SFXN1: variants seen among roughly 807,000 people sequenced by gnomAD.
SFXN1 encodes the protein sideroflexin 1.
SFXN1 carries 32 observed loss-of-function variants against 39.5 expected under a neutral mutation model. The observed-to-expected ratio is 0.81, with a 90% CI of 0.61 to 1.09. The LOEUF (loss-of-function observed/expected upper bound fraction) is 1.09, where lower values mean the gene tolerates loss of function less well. Ranked by LOEUF, SFXN1 falls within the 50% of genes least tolerant of loss-of-function variation. The pLI, the probability that SFXN1 is intolerant of heterozygous loss-of-function variation, is 0.00. For synonymous variants in SFXN1, 136 were observed against 146.5 expected (o/e 0.93, Z 0.52); for missense variants, 402 against 407.1 (o/e 0.99, Z 0.11).
chr5:175,510,782 A>G (rs1045426156), intron 4 of SFXN1, among the ~76,000 whole-genome samples: 1 of 152,238 alleles, frequency 6.6e-6, no homozygotes, highest in Non-Finnish European at 1.5e-5. Context: ...GTTAGTTAGC[A>G]TAATTGTATT....
At chr5:175,503,884 A>G (rs1157115051) in intron 2 of SFXN1, among the ~76,000 whole-genome samples, 2 of 151,834 alleles carry the variant, frequency 1.3e-5, no homozygotes, top group East Asian at 3.9e-4. Flanking sequence ...CGCACCTGTA[A>G]TCCCAGCTAC....
At position 175,509,087 on chromosome 5, in the gene SFXN1, A is replaced by G. The variant is rs1428527101; in HGVS notation, c.220A>G (p.Ile74Val). The G allele has an allele frequency of 1.1e-5, 18 of 1,613,856 alleles. No individual in the cohort carries two copies. Among genetic ancestry groups the G allele is most frequent in the Non-Finnish European group, 1.4e-5 (17 of 1,179,972 alleles). The change falls in exon 3 of 11, where the codon ATC (isoleucine) becomes GTC (valine). Residue 74 changes from isoleucine to valine, a missense_variant. Transcript: ENST00000321442. ...AAATGAATTGTGGAGAGCAAAGTAC[A>G]TCTATGATTCAGCTTTTCATCCTGA... ...TENELWRAKY[I>V]YDSAFHPDTG...
intron 10 of SFXN1, among the ~76,000 whole-genome samples, chr5:175,524,317 G>T (rs577736891): frequency 6.6e-6 from 1 of 151,268 alleles, no homozygotes; most frequent in East Asian, 1.9e-4. Context: ...TTAGACAAGG[G>T]TGTCACACTG....
chr5:175,513,953 G>A (rs1175563844), intron 7 of SFXN1, among the ~76,000 whole-genome samples: 3 of 152,006 alleles, frequency 2.0e-5, no homozygotes, highest in Admixed American at 2.0e-4. Context: ...TGGGAGGGGT[G>A]GGGAGCAGTA....
chr5:175,482,829 A>G (rs555692171), intron 1 of SFXN1, among the ~76,000 whole-genome samples: 8 of 152,338 alleles, frequency 5.3e-5, no homozygotes, highest in African/African-American at 1.7e-4. Context: ...ATATTTGCTT[A>G]AATCCGGTTC....
intron 2 of SFXN1, among the ~76,000 whole-genome samples, chr5:175,503,143 C>G (rs772091805): frequency 3.3e-5 from 5 of 152,146 alleles, no homozygotes; most frequent in African/African-American, 4.8e-5. Context: ...TACCACAATT[C>G]CGGGGCGGTT....
intron 2 of SFXN1, among the ~76,000 whole-genome samples, chr5:175,498,715 A>G (rs116723059): frequency 0.025 from 3,802 of 152,272 alleles, 130 homozygotes; most frequent in African/African-American, 0.084. Context: ...AGCCTACTGT[A>G]TAGCTTTTTT....
chr5:175,514,706 G>C (rs968707652), intron 7 of SFXN1, among the ~76,000 whole-genome samples: 3 of 152,322 alleles, frequency 2.0e-5, no homozygotes, highest in South Asian at 4.1e-4. Flanking sequence ...AAGTTGAAAA[G>C]TGCATGAAGG....
At chr5:175,501,325 CCGA>C (rs1760076197) in intron 2 of SFXN1, among the ~76,000 whole-genome samples, 1 of 152,086 alleles carries the variant, frequency 6.6e-6, no homozygotes. Flanking sequence ...GCCTCGGCCC[CCGA>C]AAGTGCTGGG....
In SFXN1 at chr5:175,510,353, T is replaced by C; in HGVS notation, c.434+146T>C. On this transcript the variant is annotated intron_variant, in intron 4 of 10. Coordinates refer to ENST00000321442, the MANE Select transcript of SFXN1 (RefSeq NM_022754.7). ...GTAGCATCCTTTTTTGTAGCTTTTTTCTTTTTTAAAGTAAAGTGTTTCATT... is the reference window on the plus strand; with the variant it reads ...GTAGCATCCTTTTTTGTAGCTTTTTCCTTTTTTAAAGTAAAGTGTTTCATT... 5 of 676,578 alleles carry C rather than the reference T, an allele frequency of 7.4e-6. No homozygotes were observed. In the South Asian group the frequency reaches 1.0e-4, roughly 14 times the overall value. The allele number at this position is 676,578 out of a possible 1,614,324, so 41.9% of individuals were successfully genotyped here. A position where few individuals can be genotyped will look rare whatever the true frequency, so the allele number is the denominator to read the frequency against.
intron 2 of SFXN1, among the ~76,000 whole-genome samples, chr5:175,497,656 CA>C (rs916604238): frequency 2.0e-5 from 3 of 152,078 alleles, no homozygotes; most frequent in Non-Finnish European, 4.4e-5. Context: ...GGGCCGGGCG[CA>C]GTGACTCACA....
At chr5:175,496,326 A>C (rs1448173748) in intron 2 of SFXN1, among the ~76,000 whole-genome samples, 3 of 151,794 alleles carry the variant, frequency 2.0e-5, no homozygotes, top group African/African-American at 7.3e-5. Context: ...GTGAGCCGAG[A>C]TCGCTCCCTG....
chr5:175,488,791 G>A (rs964748349), intron 1 of SFXN1, among the ~76,000 whole-genome samples: 5 of 152,212 alleles, frequency 3.3e-5, no homozygotes, highest in Non-Finnish European at 5.9e-5. Context: ...AGCTAATCGG[G>A]AGGCTGAGGT....
At chr5:175,480,363 T>C (rs112140589) in intron 1 of SFXN1, among the ~76,000 whole-genome samples, 304 of 151,926 alleles carry the variant, frequency 2.0e-3, no homozygotes, top group African/African-American at 6.8e-3. Flanking sequence ...ATCGCGCCAC[T>C]GCACTCCAGC....
At chr5:175,479,528 C>T (rs991900014) in intron 1 of SFXN1, among the ~76,000 whole-genome samples, 1 of 152,172 alleles carries the variant, frequency 6.6e-6, no homozygotes, top group African/African-American at 2.4e-5. Context: ...CTTTGTAACA[C>T]AAACTCTGGG....
At chr5:175,489,281 G>T (rs146586258) in intron 1 of SFXN1, among the ~76,000 whole-genome samples, 1 of 152,192 alleles carries the variant, frequency 6.6e-6, no homozygotes, top group Admixed American at 6.5e-5. Context: ...GTATGATTAC[G>T]TATGATTACG....
At chr5:175,513,843 A>G (rs960378400) in intron 7 of SFXN1, 3 of 348,078 alleles carry the variant, frequency 8.6e-6, no homozygotes, top group Admixed American at 7.7e-5. Context: ...GAGTGAGCCA[A>G]GTGGGTATCG....
intron 2 of SFXN1, among the ~76,000 whole-genome samples, chr5:175,501,386 T>C (rs1322668919): frequency 3.3e-5 from 5 of 152,068 alleles, no homozygotes; most frequent in African/African-American, 4.8e-5. Flanking sequence ...AAACATTTCT[T>C]AGATAAGATA....
intron 2 of SFXN1, among the ~76,000 whole-genome samples, chr5:175,495,485 T>G (rs1759824580): frequency 6.6e-6 from 1 of 152,158 alleles, no homozygotes; most frequent in African/African-American, 2.4e-5. Context: ...TCCCAGCACT[T>G]TGGGAGGCCA....
Sources: gnomAD v4.1 joint callset for allele counts (sites outside exome capture counted in the v4.1 genomes callset) on GRCh38, gnomAD v4.1.1 for gene constraint, MANE v1.5 for transcripts, NCBI Gene and HGNC (gene_info 2026-07-23, HGNC 2026-07-21) for gene names.